EPHA3: variants seen among roughly 807,000 people sequenced by gnomAD.
EPHA3 encodes EPH receptor A3, also known as ephrin type-A receptor 3.
EPHA3 carries 42 observed loss-of-function variants against 107.1 expected under a neutral mutation model. The ratio of observed to expected loss-of-function variants is 0.39; its 90% CI spans 0.31 to 0.51. The LOEUF is 0.51. EPHA3 is among the 20% of genes least tolerant of loss of function. The probability of loss-of-function intolerance (pLI) is 0.78; values close to 1 mark genes in which losing one functional copy is unlikely to be tolerated. For missense variants in EPHA3, 1,183 were observed against 1,211.2 expected, an observed-to-expected ratio of 0.98 and a Z score of 0.35; for synonymous variants, 461 against 424.8, an observed-to-expected ratio of 1.09 and a Z score of -1.05.
At chr3:89,269,384 A>G (rs1432849048) in intron 3 of EPHA3, among the ~76,000 whole-genome samples, 1 of 152,020 alleles carries the variant, frequency 6.6e-6, no homozygotes, top group Non-Finnish European at 1.5e-5. Flanking sequence ...CTTGGTTCCT[A>G]CCCCAGACTG....
chr3:89,426,721 T>C (rs552971632), intron 11 of EPHA3, among the ~76,000 whole-genome samples: 1 of 151,962 alleles, frequency 6.6e-6, no homozygotes, highest in East Asian at 1.9e-4. Flanking sequence ...TGGCCAATGA[T>C]ATTGAGAGTT....
chr3:89,211,579 T>A (rs1470140231), intron 3 of EPHA3, among the ~76,000 whole-genome samples: 1 of 152,086 alleles, frequency 6.6e-6, no homozygotes, highest in Non-Finnish European at 1.5e-5. Context: ...TGCATATAAA[T>A]TGTCCTCTTT....
At chr3:89,265,053 A>G (rs1455802271) in intron 3 of EPHA3, among the ~76,000 whole-genome samples, 3 of 152,314 alleles carry the variant, frequency 2.0e-5, no homozygotes, top group Non-Finnish European at 2.9e-5. Flanking sequence ...AAATTTTAAC[A>G]TATCCTTTGG....
At chr3:89,187,557 AT>A (rs1357897925) in intron 2 of EPHA3, among the ~76,000 whole-genome samples, 1 of 152,026 alleles carries the variant, frequency 6.6e-6, no homozygotes, top group African/African-American at 2.4e-5. Flanking sequence ...AATATAAAAA[AT>A]ATGTTAATTT....
chr3:89,411,099 G>A (rs1479904114), intron 9 of EPHA3, among the ~76,000 whole-genome samples: 1 of 151,440 alleles, frequency 6.6e-6, no homozygotes, highest in Admixed American at 6.6e-5. Context: ...AGGGCAATGA[G>A]CTCTATCAAT....
chr3:89,404,618 G>A (rs553873353), intron 7 of EPHA3, among the ~76,000 whole-genome samples: 1 of 152,232 alleles, frequency 6.6e-6, no homozygotes, highest in South Asian at 2.1e-4. Context: ...ATCACTATTA[G>A]TCATTCACAT....
intron 2 of EPHA3, among the ~76,000 whole-genome samples, chr3:89,132,309 G>C (rs1704223263): frequency 6.6e-6 from 1 of 152,184 alleles, no homozygotes; most frequent in Non-Finnish European, 1.5e-5. Context: ...GCCACTCTTA[G>C]TGTTTTTCAT....
chr3:89,115,141 C>G (rs564858368), intron 1 of EPHA3, among the ~76,000 whole-genome samples: 1 of 152,160 alleles, frequency 6.6e-6, no homozygotes, highest in African/African-American at 2.4e-5. Flanking sequence ...TTGCCTCATA[C>G]GCCCTGTTGT....
intron 3 of EPHA3, among the ~76,000 whole-genome samples, chr3:89,314,575 G>T (rs559488321): frequency 6.6e-6 from 1 of 151,968 alleles, no homozygotes; most frequent in South Asian, 2.1e-4. Context: ...CCAGAGCCTG[G>T]TGACAGTCCT....
At position 89,384,857 on chromosome 3, in the gene EPHA3, A is replaced by G. The variant is rs148804501; in HGVS notation, c.1307-10980A>G. Among the ~76,000 whole-genome samples, 40 of 152,324 alleles carry G rather than the reference A, an allele frequency of 2.6e-4. 1 individual carries two copies. In the East Asian group the frequency reaches 6.0e-3, roughly 23 times the overall value. ...TTCTCATCACCTTGTATAACAATGT[A>G]TGGATGTCCCAGGATAGGGATCACT... On this transcript the variant is annotated intron_variant, in intron 5 of 16. Transcript: ENST00000336596.
chr3:89,175,258 G>A (rs1705296035), intron 2 of EPHA3, among the ~76,000 whole-genome samples: 2 of 151,946 alleles, frequency 1.3e-5, no homozygotes, highest in African/African-American at 2.4e-5. Context: ...TGGTAAAACC[G>A]AGTGGTGTTT....
chr3:89,303,905 G>A (rs1463896888), intron 3 of EPHA3, among the ~76,000 whole-genome samples: 2 of 152,056 alleles, frequency 1.3e-5, no homozygotes, highest in African/African-American at 2.4e-5. Flanking sequence ...GTTTAAACTG[G>A]CTATCCCTTC....
At chr3:89,235,766 A>G (rs916362387) in intron 3 of EPHA3, among the ~76,000 whole-genome samples, 1 of 151,896 alleles carries the variant, frequency 6.6e-6, no homozygotes, top group African/African-American at 2.4e-5. Flanking sequence ...ATTTTTATTT[A>G]TATTAAAATA....
intron 3 of EPHA3, among the ~76,000 whole-genome samples, chr3:89,253,041 C>A (rs1576266557): frequency 6.6e-6 from 1 of 151,842 alleles, no homozygotes; most frequent in East Asian, 1.9e-4. Flanking sequence ...TTATTCCGAG[C>A]AATAGAGAAA....
At chr3:89,319,461 C>A (rs1429723033) in intron 3 of EPHA3, among the ~76,000 whole-genome samples, 1 of 151,866 alleles carries the variant, frequency 6.6e-6, no homozygotes, top group Non-Finnish European at 1.5e-5. Flanking sequence ...TGTAATAGGG[C>A]CAAAGCCCCG....
intron 2 of EPHA3, among the ~76,000 whole-genome samples, chr3:89,146,303 T>C (rs990156460): frequency 7.9e-5 from 12 of 151,876 alleles, no homozygotes; most frequent in Admixed American, 2.0e-4. Flanking sequence ...AAACCTTATT[T>C]AACTTAATAA....
chr3:89,139,874 A>G (rs1176802669), intron 2 of EPHA3, among the ~76,000 whole-genome samples: 1 of 151,776 alleles, frequency 6.6e-6, no homozygotes, highest in Non-Finnish European at 1.5e-5. Context: ...TTATCAGATT[A>G]TACTTTATAG....
At chr3:89,375,672 T>C (rs1708389413) in intron 5 of EPHA3, among the ~76,000 whole-genome samples, 1 of 151,920 alleles carries the variant, frequency 6.6e-6, no homozygotes, top group Admixed American at 6.6e-5. Context: ...TAGAAGTGAC[T>C]CTGATAACAA....
intron 15 of EPHA3, among the ~76,000 whole-genome samples, chr3:89,472,029 T>G (rs1464346785): frequency 6.6e-6 from 1 of 152,088 alleles, no homozygotes; most frequent in Non-Finnish European, 1.5e-5. Context: ...CTGTGCAATG[T>G]CAAACAAACA....
Sources: allele counts gnomAD v4.1 joint callset (sites outside exome capture counted in the v4.1 genomes callset), GRCh38; gene constraint gnomAD v4.1.1; transcripts MANE v1.5; gene names NCBI Gene and HGNC (gene_info 2026-07-23, HGNC 2026-07-21).